CNOT6L: variants seen among roughly 807,000 people sequenced by gnomAD.
CNOT6L encodes CCR4-NOT transcription complex subunit 6 like, also known as CCR4-NOT transcription complex subunit 6-like.
A neutral mutation model predicts 64.0 loss-of-function variants in CNOT6L; 7 were observed. That is an observed-to-expected ratio of 0.11 (90% CI 0.06 to 0.21). The LOEUF is 0.21. Ranked by LOEUF, CNOT6L falls within the 10% of genes least tolerant of loss-of-function variation. CNOT6L has a pLI of 1.00. For missense variants in CNOT6L, 245 were observed against 669.0 expected, an observed-to-expected ratio of 0.37 and a Z score of 6.99; for synonymous variants, 193 against 243.4, an observed-to-expected ratio of 0.79 and a Z score of 1.93.
intron 1 of CNOT6L, among the ~76,000 whole-genome samples, chr4:77,804,941 A>G (rs1732052717): frequency 6.6e-6 from 1 of 152,176 alleles, no homozygotes; most frequent in South Asian, 2.1e-4. Context: ...TAACAGTACT[A>G]CCACTTAGCC....
At chr4:77,768,922 A>T (rs935034413) in intron 4 of CNOT6L, among the ~76,000 whole-genome samples, 1 of 152,198 alleles carries the variant, frequency 6.6e-6, no homozygotes, top group Non-Finnish European at 1.5e-5. Flanking sequence ...ACAGACCTCT[A>T]CATCCCCATT....
intron 2 of CNOT6L, among the ~76,000 whole-genome samples, chr4:77,775,935 G>A (rs973151666): frequency 2.6e-5 from 4 of 151,662 alleles, no homozygotes; most frequent in African/African-American, 7.3e-5. Context: ...CTTCTTTGCC[G>A]ACACTGAGAT....
upstream of CNOT6L, chr4:77,819,390 C>T: frequency 3.7e-6 from 6 of 1,608,640 alleles, no homozygotes; most frequent in Non-Finnish European, 5.1e-6. Flanking sequence ...CGCGCGCGCG[C>T]ACCAGGCCCC....
At chr4:77,773,980 G>A (rs1011706787) in intron 3 of CNOT6L, among the ~76,000 whole-genome samples, 30 of 152,034 alleles carry the variant, frequency 2.0e-4, no homozygotes, top group South Asian at 8.3e-4. Flanking sequence ...GTTTAAACAC[G>A]TGATAGCAAT....
intron 11 of CNOT6L, among the ~76,000 whole-genome samples, chr4:77,722,172 G>A (rs993049341): frequency 6.6e-6 from 1 of 152,084 alleles, no homozygotes; most frequent in Non-Finnish European, 1.5e-5. Flanking sequence ...AAGGATCACG[G>A]TAGTTTTACT....
chr4:77,721,325 C>A (rs1323870709), intron 11 of CNOT6L, among the ~76,000 whole-genome samples: 1 of 152,162 alleles, frequency 6.6e-6, no homozygotes, highest in Non-Finnish European at 1.5e-5. Flanking sequence ...TCTGTCAGAG[C>A]TAGATGACTG....
chr4:77,815,899 G>C (rs1309378165), intron 1 of CNOT6L, among the ~76,000 whole-genome samples: 1 of 152,114 alleles, frequency 6.6e-6, no homozygotes, highest in African/African-American at 2.4e-5. Context: ...TGTCATGAAA[G>C]CAAGTAAACA....
chr4:77,751,018 C>T (rs980013438), intron 5 of CNOT6L, among the ~76,000 whole-genome samples: 2 of 152,158 alleles, frequency 1.3e-5, no homozygotes, highest in African/African-American at 4.8e-5. Context: ...ACTGGTCATA[C>T]CAAGAACCAG....
chr4:77,756,674 T>C (rs1163980042), intron 5 of CNOT6L, among the ~76,000 whole-genome samples, 188 bp downstream of exon 5: 1 of 152,286 alleles, frequency 6.6e-6, no homozygotes, highest in Admixed American at 6.5e-5. Flanking sequence ...TCCTAACATA[T>C]TGCTTGGTAA....
chr4:77,794,725 A>G (rs1333534284), intron 1 of CNOT6L, among the ~76,000 whole-genome samples: 1 of 152,236 alleles, frequency 6.6e-6, no homozygotes, highest in Non-Finnish European at 1.5e-5. Context: ...CAAGGATGTT[A>G]GCTCTCACTT....
chr4:77,816,763 CCAAT>C (rs1733631285), intron 1 of CNOT6L, among the ~76,000 whole-genome samples: 4 of 152,268 alleles, frequency 2.6e-5, no homozygotes, highest in South Asian at 4.1e-4. Flanking sequence ...CAAACTTAAA[CCAAT>C]CAAACTCCCA....
At chr4:77,722,250 T>C (rs193156223) in intron 11 of CNOT6L, among the ~76,000 whole-genome samples, 5 of 152,236 alleles carry the variant, frequency 3.3e-5, no homozygotes, top group East Asian at 3.9e-4. Context: ...CAATTACTTA[T>C]GTTGAACAGA....
chr4:77,743,180 T>C (rs965223220), intron 7 of CNOT6L, among the ~76,000 whole-genome samples: 2 of 152,154 alleles, frequency 1.3e-5, no homozygotes, highest in African/African-American at 4.8e-5. Context: ...TTTCCCTCCA[T>C]CATGCTTTAT....
intron 4 of CNOT6L, among the ~76,000 whole-genome samples, chr4:77,761,537 T>A (rs1359552305): frequency 6.6e-6 from 1 of 152,198 alleles, no homozygotes; most frequent in Admixed American, 6.5e-5. Flanking sequence ...AAAATAAAAG[T>A]AATAGCAACA....
intron 4 of CNOT6L, among the ~76,000 whole-genome samples, chr4:77,771,182 G>A (rs892091074): frequency 8.5e-5 from 13 of 152,238 alleles, no homozygotes; most frequent in Non-Finnish European, 1.6e-4. Context: ...TTAGCCGGAC[G>A]TGGTGGTGCA....
chr4:77,810,732 G>T (rs1578011812), intron 1 of CNOT6L, among the ~76,000 whole-genome samples: 1 of 152,146 alleles, frequency 6.6e-6, no homozygotes, highest in East Asian at 1.9e-4. Context: ...CAGAACACTA[G>T]AACTTACTCC....
At chr4:77,782,671 T>C (rs935297440) in intron 1 of CNOT6L, among the ~76,000 whole-genome samples, 1 of 147,446 alleles carries the variant, frequency 6.8e-6, no homozygotes, top group African/African-American at 2.5e-5. Context: ...AAAGAGACAG[T>C]GTCTACCTAT....
intron 8 of CNOT6L, among the ~76,000 whole-genome samples, chr4:77,736,924 T>A (rs2078012586): frequency 6.6e-6 from 1 of 152,180 alleles, no homozygotes; most frequent in South Asian, 2.1e-4. Context: ...AGAATTATTA[T>A]TAGGTTGGAT....
chr4:77,784,076 T>A (rs930284252), intron 1 of CNOT6L, among the ~76,000 whole-genome samples: 3 of 152,080 alleles, frequency 2.0e-5, no homozygotes, highest in Admixed American at 2.0e-4. Flanking sequence ...AATCCAGAGA[T>A]AACTTACAGG....
Sources: allele counts gnomAD v4.1 joint callset (sites outside exome capture counted in the v4.1 genomes callset), GRCh38; gene constraint gnomAD v4.1.1; transcripts MANE v1.5; gene names NCBI Gene and HGNC (gene_info 2026-07-23, HGNC 2026-07-21).